Variants in DISP1 observed in about 807,000 individuals in gnomAD.
The protein encoded by DISP1 is dispatched RND transporter family member 1.
Under a neutral mutation model 37.3 loss-of-function variants are expected in DISP1, and 30 were observed. The observed-to-expected ratio is 0.80, with a 90% CI of 0.60 to 1.09. DISP1 has a LOEUF of 1.09. Among genes scored for constraint, DISP1 ranks in the 50% least tolerant of loss-of-function variants. The probability of loss-of-function intolerance (pLI) is 0.00; values close to 1 mark genes in which losing one functional copy is unlikely to be tolerated. For synonymous variants in DISP1, 634 were observed against 690.2 expected (o/e 0.92, Z 1.28); for missense variants, 1,598 against 1,879.5 (o/e 0.85, Z 2.77).
At chr1:222,934,844 C>A (rs1477057636) in intron 2 of DISP1, among the ~76,000 whole-genome samples, 2 of 152,100 alleles carry the variant, frequency 1.3e-5, no homozygotes, top group East Asian at 3.9e-4. Flanking sequence ...GCACAAAAAA[C>A]AGTTTGGGAG....
At chr1:222,995,459 G>C (rs955558623) in intron 8 of DISP1, among the ~76,000 whole-genome samples, 1 of 152,076 alleles carries the variant, frequency 6.6e-6, no homozygotes, top group Non-Finnish European at 1.5e-5. Flanking sequence ...GCTGGGAAAG[G>C]GGACATCAAA....
At chr1:222,901,631 G>T (rs575762313) in intron 1 of DISP1, among the ~76,000 whole-genome samples, 1 of 152,042 alleles carries the variant, frequency 6.6e-6, no homozygotes, top group African/African-American at 2.4e-5. Context: ...GGATTCAAGC[G>T]GTTCTCCTGC....
Position 223,004,801 on chromosome 1 carries a change from G to T in DISP1, c.3404G>T (p.Gly1135Val). ...FFFQCMCRCL[G>V]PQGTCGQIPL... Reference sequence around the variant, plus strand: ...TTCCAGTGCATGTGCCGGTGCCTTGGACCACAGGGTACCTGTGGTCAGATT... The same window carrying T: ...TTCCAGTGCATGTGCCGGTGCCTTGTACCACAGGGTACCTGTGGTCAGATT... Residue 1135 changes from glycine (G) to valine (V), a missense_variant, in exon 9 of 9, where the codon GGA becomes GTA. Coordinates refer to ENST00000675850, the MANE Select transcript of DISP1 (RefSeq NM_001377229.1). The surrounding 1 kb of genome is among the most constrained non-coding windows in gnomAD (Gnocchi z 4.9). The T allele has an allele frequency of 1.2e-6, 2 of 1,612,220 alleles. No homozygotes were observed. Among genetic ancestry groups the T allele is most frequent in the South Asian group, 2.2e-5 (2 of 91,060 alleles).
intron 1 of DISP1, among the ~76,000 whole-genome samples, chr1:222,841,683 A>C (rs1477681493): frequency 6.6e-6 from 1 of 152,202 alleles, no homozygotes; most frequent in Non-Finnish European, 1.5e-5. Flanking sequence ...GTCTTTTATC[A>C]TCAAGCTATT....
rs548262248 is a variant in DISP1 at position 222,855,110 on chromosome 1, T to G, written c.-159+40032T>G. On this transcript the variant is annotated intron_variant, in intron 1 of 8. Transcript: ENST00000675850. Reference sequence around the variant, plus strand: ...AGAACTTTGAATATAATAAATTAGCTTTTGCTTCTTTGTCATAGAATCTTC... The same window carrying G: ...AGAACTTTGAATATAATAAATTAGCGTTTGCTTCTTTGTCATAGAATCTTC... Among the ~76,000 whole-genome samples, 5 of 152,288 alleles carry G rather than the reference T, an allele frequency of 3.3e-5. No individual in the cohort carries two copies. The South Asian group carries it at 1.0e-3, about 32-fold the overall frequency.
chr1:222,832,143 C>T (rs1209513320), intron 1 of DISP1, among the ~76,000 whole-genome samples: 4 of 151,750 alleles, frequency 2.6e-5, no homozygotes, highest in East Asian at 3.9e-4. Context: ...ATGTGGTGGG[C>T]GCCTGTAATC....
rs532029494 is a variant in DISP1, at chr1:222,852,139, G to A, written c.-159+37061G>A. 1.7e-4 allele frequency among the ~76,000 whole-genome samples: 26 copies of A among 152,110 alleles called. No individual in the cohort carries two copies. In the East Asian group the frequency reaches 3.1e-3, roughly 18 times the overall value. ...GGAGAGGTGGTGGTGAGCCGAGATC[G>A]CGCCATCGCACTCCAGCCTGGGAAG... On this transcript the variant is annotated intron_variant, in intron 1 of 8. Coordinates refer to ENST00000675850, the MANE Select transcript of DISP1 (RefSeq NM_001377229.1).
At chr1:222,816,095 ATATATAT>A (rs1482559337) in intron 1 of DISP1, among the ~76,000 whole-genome samples, 40 of 148,038 alleles carry the variant, frequency 2.7e-4, no homozygotes, top group African/African-American at 6.2e-4. Flanking sequence ...ATATATATAT[ATATATAT>A]AAATATTTGC....
chr1:222,902,533 G>A (rs1671655434), intron 1 of DISP1, among the ~76,000 whole-genome samples: 1 of 151,938 alleles, frequency 6.6e-6, no homozygotes, highest in Admixed American at 6.6e-5. Flanking sequence ...CAAAATGGGA[G>A]AAAATTTTCG....
intron 3 of DISP1, among the ~76,000 whole-genome samples, chr1:222,949,389 CAA>C: frequency 7.2e-6 from 1 of 138,674 alleles, no homozygotes; most frequent in South Asian, 2.3e-4. Flanking sequence ...GGGAGACTCT[CAA>C]AAAAAAAAAT....
In DISP1 at chr1:222,991,732, T is replaced by G. The variant is rs74148213; in HGVS notation, c.791+85T>G. ...TTCAAATACTGCCTAAACAAAAAAT[T>G]TAAATGTAAAATGTGTGGCTCAAAA... On this transcript the variant is annotated intron_variant, in intron 6 of 8. Coordinates refer to ENST00000675850, the MANE Select transcript of DISP1 (RefSeq NM_001377229.1). The G allele has an allele frequency of 4.7e-3, 6,701 of 1,435,390 alleles. 186 individuals carry two copies. In the African/African-American group the frequency reaches 0.07, roughly 15 times the overall value. The allele number at this position is 1,435,390 out of a possible 1,614,324, so 88.9% of individuals were successfully genotyped here.
Position 223,004,389 on chromosome 1 carries a change from G to A in DISP1, c.2992G>A (p.Val998Met), listed in dbSNP as rs765028963. The change falls in exon 9 of 9, where the codon GTG (valine) becomes ATG (methionine). Residue 998 changes from valine to methionine, a missense_variant. Transcript: ENST00000675850. The surrounding 1 kb of genome is among the most constrained non-coding windows in gnomAD (Gnocchi z 4.9). The stretch of plus-strand genomic sequence containing the variant: ...GCTGTCAGTTGCTGTTGCATTTAGC[G>A]TGATGCTGCTGACAACTTGGAACAT... ...MGLSVAVAFS[V>M]MLLTTWNIII... is the part of the protein sequence containing the mutation. 11 of 1,614,074 alleles carry A rather than the reference G, an allele frequency of 6.8e-6. No homozygotes were observed. The highest frequency in any genetic ancestry group is 1.7e-5 in the Admixed American group (1 of 60,014).
intron 1 of DISP1, among the ~76,000 whole-genome samples, chr1:222,912,033 G>A (rs771969822): frequency 6.6e-6 from 1 of 152,180 alleles, no homozygotes; most frequent in Non-Finnish European, 1.5e-5. Context: ...GCAGCAGCCA[G>A]CACTCATGTG....
intron 3 of DISP1, among the ~76,000 whole-genome samples, chr1:222,947,773 GA>G (rs555975857): frequency 4.0e-4 from 58 of 146,132 alleles, no homozygotes; most frequent in African/African-American, 7.8e-4. Context: ...TTTTAAAGCA[GA>G]AAAAAAAAAC....
chr1:222,829,151 GA>G (rs1283008095), intron 1 of DISP1, among the ~76,000 whole-genome samples: 1 of 152,074 alleles, frequency 6.6e-6, no homozygotes, highest in Non-Finnish European at 1.5e-5. Flanking sequence ...TCTAGAGGAA[GA>G]AAAAAATCTG....
Position 222,942,913 on chromosome 1 carries a change from C to G in DISP1, c.90C>G (p.Pro30=). 6.2e-7 allele frequency: 1 copy of G among 1,614,152 alleles called. No individual in the cohort carries two copies. Among genetic ancestry groups the G allele is most frequent in the Non-Finnish European group, 8.5e-7 (1 of 1,180,014 alleles). Residue 30 remains proline (P), a synonymous_variant, in exon 3 of 9, where the codon CCC becomes CCG. Transcript: ENST00000675850. ...CTGCTAACCCGAGTCCCCTCACCCC[C>G]TGTGATGGAGACCATGCAGCCCAGC... ...TSAANPSPLT[P]CDGDHAAQQL...
chr1:222,863,150 G>A (rs529704627), intron 1 of DISP1, among the ~76,000 whole-genome samples: 3 of 152,160 alleles, frequency 2.0e-5, no homozygotes, highest in Admixed American at 2.0e-4. Context: ...ACACAAATAC[G>A]AGCAACTCAT....
At chr1:222,949,396 A>C (rs1345060602) in intron 3 of DISP1, among the ~76,000 whole-genome samples, 1 of 152,122 alleles carries the variant, frequency 6.6e-6, no homozygotes, top group Non-Finnish European at 1.5e-5. Flanking sequence ...TCTCAAAAAA[A>C]AAAATACATA....
Position 222,991,579 on chromosome 1 carries a change from G to A in DISP1, c.723G>A (p.Val241=), listed in dbSNP as rs267598386. The part of the protein sequence containing the change: ...GQRLVTWNNM[V]KNTGYKATLA... The stretch of plus-strand genomic sequence containing the variant: ...GATTGGTCACATGGAATAATATGGT[G>A]AAAAATACAGGATACAAAGCAACAT... The change falls in exon 6 of 9, where the codon GTG becomes GTA. Residue 241 remains valine, a synonymous_variant. Transcript: ENST00000675850. 1.8e-5 allele frequency: 29 copies of A among 1,613,810 alleles called. No individual in the cohort carries two copies. In the South Asian group the frequency reaches 3.2e-4, roughly 18 times the overall value.
Sources: allele counts gnomAD v4.1 joint callset (sites outside exome capture counted in the v4.1 genomes callset), GRCh38; gene constraint gnomAD v4.1.1; non-coding constraint Gnocchi (gnomAD v3.1); transcripts MANE v1.5; gene names NCBI Gene and HGNC (gene_info 2026-07-23, HGNC 2026-07-21).